FAM219A: variants seen among roughly 807,000 people sequenced by gnomAD.
FAM219A encodes the protein protein FAM219A.
In FAM219A, 7 loss-of-function variants were observed where a neutral mutation model predicts 23.4. That is an observed-to-expected ratio of 0.30 (90% CI 0.17 to 0.56). The LOEUF is 0.56. FAM219A is among the 20% of genes least tolerant of loss of function. The pLI is 0.92. For synonymous variants in FAM219A, 93 were observed against 99.0 expected (o/e 0.94, Z 0.36); for missense variants, 166 against 246.9 (o/e 0.67, Z 2.20).
intron 2 of FAM219A, among the ~76,000 whole-genome samples, chr9:34,405,550 C>T (rs1300695972): frequency 1.3e-5 from 2 of 152,186 alleles, no homozygotes; most frequent in African/African-American, 4.8e-5. Flanking sequence ...TTCCTCTCAG[C>T]CTGATCCAGT....
At chr9:34,445,505 G>A (rs1481800707) in intron 1 of FAM219A, among the ~76,000 whole-genome samples, 2 of 152,222 alleles carry the variant, frequency 1.3e-5, no homozygotes, top group Non-Finnish European at 2.9e-5. Context: ...GGGCAGAAGA[G>A]AATTGTTAAG....
chr9:34,427,763 T>C (rs1326296069), intron 1 of FAM219A, among the ~76,000 whole-genome samples: 20 of 152,192 alleles, frequency 1.3e-4, no homozygotes, highest in Admixed American at 1.3e-3. Context: ...AGATGTTGCA[T>C]TTTGTGCTCT....
At chr9:34,434,824 CTTT>C (rs1425022237) in intron 1 of FAM219A, among the ~76,000 whole-genome samples, 1 of 151,454 alleles carries the variant, frequency 6.6e-6, no homozygotes, top group African/African-American at 2.4e-5. Context: ...TTCTTTCTTT[CTTT>C]CTTTTTTTTT....
chr9:34,441,526 T>C (rs1823172945), intron 1 of FAM219A, among the ~76,000 whole-genome samples: 1 of 152,052 alleles, frequency 6.6e-6, no homozygotes, highest in Non-Finnish European at 1.5e-5. Flanking sequence ...CAAATGATGG[T>C]ACAGGATAAG....
intron 1 of FAM219A, among the ~76,000 whole-genome samples, chr9:34,425,799 T>TA (rs55886425): frequency 2.1e-4 from 31 of 150,760 alleles, no homozygotes; most frequent in Admixed American, 3.3e-4. Context: ...CTGCATTATT[T>TA]AAAAAAAAAA....
intron 1 of FAM219A, among the ~76,000 whole-genome samples, chr9:34,416,875 G>A (rs1271980158): frequency 2.0e-5 from 3 of 146,598 alleles, no homozygotes; most frequent in Admixed American, 6.9e-5. Context: ...GGAGTGCAGC[G>A]GCTATTCACA....
At chr9:34,454,588 C>T (rs1265324199) in intron 1 of FAM219A, among the ~76,000 whole-genome samples, 2 of 152,022 alleles carry the variant, frequency 1.3e-5, no homozygotes, top group African/African-American at 4.8e-5. Flanking sequence ...CAGGCAAACT[C>T]CCACCAGAGA....
At chr9:34,416,737 C>CA (rs59633026) in intron 1 of FAM219A, among the ~76,000 whole-genome samples, 36,906 of 112,090 alleles carry the variant, frequency 0.33, 5,003 homozygotes, top group Non-Finnish European at 0.37. Flanking sequence ...GACTCTGTCT[C>CA]AAAAAAAAAA....
chr9:34,409,591 A>T (rs1821754425), intron 1 of FAM219A, among the ~76,000 whole-genome samples: 1 of 152,250 alleles, frequency 6.6e-6, no homozygotes, highest in African/African-American at 2.4e-5. Context: ...AAGACTACAG[A>T]GATGATTAAT....
intron 1 of FAM219A, among the ~76,000 whole-genome samples, chr9:34,456,024 C>T (rs568755223): frequency 2.0e-5 from 3 of 152,248 alleles, no homozygotes; most frequent in African/African-American, 7.2e-5. Flanking sequence ...GAAACCCTGT[C>T]TCTACTAAAA....
intron 1 of FAM219A, among the ~76,000 whole-genome samples, chr9:34,408,396 A>G (rs2381116): frequency 0.35 from 53,891 of 152,074 alleles, 9,990 homozygotes; most frequent in African/African-American, 0.47. Flanking sequence ...ATTTCCTGTG[A>G]GCCCCAGAGA....
At chr9:34,407,470 T>C (rs545033055) in intron 1 of FAM219A, among the ~76,000 whole-genome samples, 2 of 151,940 alleles carry the variant, frequency 1.3e-5, no homozygotes, top group African/African-American at 4.8e-5. Context: ...TCAACAAATA[T>C]CAACTTATCA....
chr9:34,454,853 C>G (rs1244006243), intron 1 of FAM219A, among the ~76,000 whole-genome samples: 1 of 152,098 alleles, frequency 6.6e-6, no homozygotes, highest in Non-Finnish European at 1.5e-5. Flanking sequence ...AGGCAATGGC[C>G]TCTGGATTCT....
At position 34,458,325 on chromosome 9, in the gene FAM219A, G is replaced by C. The variant is rs1197520177; in HGVS notation, c.-62C>G. 17 of 1,193,478 alleles carry C rather than the reference G, an allele frequency of 1.4e-5. 2 individuals carry two copies. In the South Asian group the frequency reaches 6.3e-4, roughly 44 times the overall value. 73.9% of individuals were successfully genotyped at this position (1,193,478 alleles called of 1,614,324 possible). A position where few individuals can be genotyped will look rare whatever the true frequency, so the allele number is the denominator to read the frequency against. Reference sequence around the variant, plus strand: ...GCCGCGGACGCCGACAGGACCGCGCGGGGCGGCGGCCCCAGGAGCCCGGCG... The same window carrying C: ...GCCGCGGACGCCGACAGGACCGCGCCGGGCGGCGGCCCCAGGAGCCCGGCG... On this transcript the variant is annotated 5_prime_UTR_variant, in exon 1 of 6. Transcript: ENST00000651358. This position sits in a 1 kb window ranked among gnomAD's most constrained non-coding sequence, Gnocchi z 6.6.
At position 34,401,093 on chromosome 9, in the gene FAM219A, C is replaced by A. The variant is rs771206276; in HGVS notation, c.429G>T (p.Leu143=). 1 of 1,613,382 alleles carries A rather than the reference C, an allele frequency of 6.2e-7. No individual in the cohort carries two copies. The highest frequency in any genetic ancestry group is 1.7e-5 in the Admixed American group (1 of 59,940). ...EQINQDLNIQ[L]LKDGYRLDEI... ...CATCTAACCGGTAGCCGTCCTTCAG[C>A]AGCTGGATGTTCAAATCTTGGTTGA... is the stretch of plus-strand genomic sequence containing the variant. Residue 143 remains leucine (L), a synonymous_variant, in exon 6 of 6, where the codon CTG becomes CTT. Coordinates refer to ENST00000651358, the MANE Select transcript of FAM219A (RefSeq NM_001184940.2).
chr9:34,416,306 GGAAC>G (rs1227423555), intron 1 of FAM219A, among the ~76,000 whole-genome samples: 4 of 116,126 alleles, frequency 3.4e-5, no homozygotes, highest in African/African-American at 7.9e-5. Flanking sequence ...AAGGAAGGAA[GGAAC>G]GAAGGAAGGA....
At position 34,406,094 on chromosome 9, in the gene FAM219A, G is replaced by A. The variant is rs538158062; in HGVS notation, c.61-130C>T. On this transcript the variant is annotated intron_variant, in intron 1 of 5. Transcript: ENST00000651358. ...AGCATTCACCCCTCAGAGCAGGCAG[G>A]GCATTCAGGGAGAGAGGGGCAGACC... 1.8e-5 allele frequency: 18 copies of A among 1,004,764 alleles called. 1 individual carries two copies. In the East Asian group the frequency reaches 4.3e-4, roughly 24 times the overall value. The allele number at this position is 1,004,764 out of a possible 1,614,324, so 62.2% of individuals were successfully genotyped here.
At chr9:34,445,370 T>A (rs1052966953) in intron 1 of FAM219A, among the ~76,000 whole-genome samples, 1 of 152,222 alleles carries the variant, frequency 6.6e-6, no homozygotes, top group African/African-American at 2.4e-5. Context: ...ATCATTTGTA[T>A]AAAATTATGT....
chr9:34,450,227 C>T (rs932463286), intron 1 of FAM219A, among the ~76,000 whole-genome samples: 4 of 150,922 alleles, frequency 2.7e-5, no homozygotes, highest in South Asian at 2.1e-4. Context: ...GCAGGAGGAT[C>T]GCTTGAGCCT....
Sources: allele counts gnomAD v4.1 joint callset (sites outside exome capture counted in the v4.1 genomes callset), GRCh38; gene constraint gnomAD v4.1.1; non-coding constraint Gnocchi (gnomAD v3.1); transcripts MANE v1.5; gene names NCBI Gene and HGNC (gene_info 2026-07-23, HGNC 2026-07-21).